Variants in KCNK16 observed in about 807,000 individuals in gnomAD.
KCNK16 encodes potassium two pore domain channel subfamily K member 16, also known as potassium channel subfamily K member 16.
Under a neutral mutation model 23.0 loss-of-function variants are expected in KCNK16, and 23 were observed. The ratio of observed to expected loss-of-function variants is 1.00; its 90% CI spans 0.72 to 1.41. KCNK16 has a LOEUF of 1.41. KCNK16 is among the 40% of genes most tolerant of loss of function. KCNK16 has a pLI of 0.00. For synonymous variants in KCNK16, 145 were observed against 153.5 expected, an observed-to-expected ratio of 0.94 and a Z score of 0.41; for missense variants, 327 against 365.8, an observed-to-expected ratio of 0.89 and a Z score of 0.87.
downstream of KCNK16, chr6:39,315,317 C>A: frequency 6.4e-7 from 1 of 1,554,006 alleles, no homozygotes; most frequent in African/African-American, 1.4e-5. Context: ...GTTCATGGAG[C>A]TCACTTTCTG....
At chr6:39,317,195 G>A (rs1456658433) in intron 3 of KCNK16, among the ~76,000 whole-genome samples, 1 of 152,214 alleles carries the variant, frequency 6.6e-6, no homozygotes, top group Non-Finnish European at 1.5e-5. Context: ...TGGACTTGGG[G>A]ATCACACTTG....
At chr6:39,321,684 ACCAG>A (rs1218800051) in intron 1 of KCNK16, among the ~76,000 whole-genome samples, 3 of 152,216 alleles carry the variant, frequency 2.0e-5, no homozygotes, top group Non-Finnish European at 2.9e-5. Flanking sequence ...GAAAGAGGAA[ACCAG>A]AAAGGACCCA....
At chr6:39,316,093 C>T, downstream of KCNK16, 1 of 1,370,798 alleles carries the variant, frequency 7.3e-7, no homozygotes, top group Non-Finnish European at 9.5e-7. Context: ...TGGGAGAGCT[C>T]CTGAGACCAG....
At position 39,319,090 on chromosome 6, in the gene KCNK16, T is replaced by G; in HGVS notation, c.257A>C (p.Asn86Thr). The change falls in exon 2 of 5, where the codon AAC becomes ACC. Residue 86 changes from asparagine to threonine, a missense_variant. Coordinates refer to ENST00000437525, the MANE Select transcript of KCNK16 (RefSeq NM_001135106.2). The surrounding 1 kb of genome is among the most constrained non-coding windows in gnomAD (Gnocchi z 4.2). ...GTCCCAGTTGCTGGGGTTGGTAGAG[T>G]TGCCTTTGGGGTTCACACCTTTCAC... Reference protein sequence around the residue: ...AWVKGVNPKGNSTNPSNWDFG... With the variant: ...AWVKGVNPKGTSTNPSNWDFG... 1 of 1,613,934 alleles carries G rather than the reference T, an allele frequency of 6.2e-7. No individual in the cohort carries two copies. The highest frequency in any genetic ancestry group is 1.7e-5 in the Admixed American group (1 of 60,010).
rs1467010380 is a variant in KCNK16, at chr6:39,318,073, C to T, written c.329-121G>A. On this transcript the variant is annotated intron_variant, in intron 2 of 4. Transcript: ENST00000437525. The stretch of plus-strand genomic sequence containing the variant: ...TCTGGGGGTGAGAAGGGGAAGCTCC[C>T]CTGTTCCCATGAACTCTGCTGGAAT... The T allele has an allele frequency of 6.2e-6, 6 of 961,276 alleles. No individual in the cohort carries two copies. The East Asian group carries it at 1.4e-4, about 23-fold the overall frequency. 59.5% of individuals were successfully genotyped at this position (961,276 alleles called of 1,614,324 possible). A position where few individuals can be genotyped will look rare whatever the true frequency, so the allele number is the denominator to read the frequency against.
chr6:39,316,689 A>G, intron 4 of KCNK16, 93 bp downstream of exon 4: 1 of 1,436,688 alleles, frequency 7.0e-7, no homozygotes, highest in Non-Finnish European at 9.5e-7. Context: ...GGGCTATCTT[A>G]TCCTCAATAG....
chr6:39,316,893 G>A lies in KCNK16; in HGVS notation c.550C>T (p.Leu184Phe). Residue 184 changes from leucine (L) to phenylalanine (F), a missense_variant, in exon 4 of 5, where the codon CTC becomes TTC. Leu to Phe is a conservative substitution (Grantham distance 22). Transcript: ENST00000437525. ...CTGAAGACCATGGGTGGGAAGATGA[G>A]AATGACCAGCGTCCCCAGGGTCAGG... ...LFLTLGTLVI[L>F]IFPPMVFSHV... 6.2e-7 allele frequency: 1 copy of A among 1,614,126 alleles called. No individual in the cohort carries two copies. The highest frequency in any genetic ancestry group is 1.3e-5 in the African/African-American group (1 of 75,044).
Position 39,322,435 on chromosome 6 carries a change from C to G in KCNK16, c.106G>C (p.Glu36Gln), listed in dbSNP as rs1288837986. ...LLGATIFQLLERQAEAQSRDQ... is the reference protein window; with the variant it reads ...LLGATIFQLLQRQAEAQSRDQ... ...CTGGACTGAGCCTCCGCCTGCCTCT[C>G]TAGCAGCTGGAAGATAGTGGCACCG... is the stretch of plus-strand genomic sequence containing the variant. The change falls in exon 1 of 5, where the codon GAG becomes CAG. Residue 36 changes from glutamate (E) to glutamine (Q), a missense_variant. By Grantham distance (29) the Glu-to-Gln change is conservative. Coordinates refer to ENST00000437525, the MANE Select transcript of KCNK16 (RefSeq NM_001135106.2). 2 of 1,614,214 alleles carry G rather than the reference C, an allele frequency of 1.2e-6. No homozygotes were observed. Among genetic ancestry groups the G allele is most frequent in the Non-Finnish European group, 1.7e-6 (2 of 1,180,042 alleles).
Position 39,319,649 on chromosome 6 carries a change from G to A in KCNK16, c.214-516C>T, listed in dbSNP as rs1193390689. Among the ~76,000 whole-genome samples, 13 of 152,126 alleles carry A rather than the reference G, an allele frequency of 8.5e-5. No homozygotes were observed. The highest frequency in any genetic ancestry group is 7.2e-4 in the Admixed American group (11 of 15,278). Reference sequence around the variant, plus strand: ...CCCTGTGTTCCCTAAGTGTCCAGGCGAGTGGGCACCCTTGCTCTTTGCTGC... The same window carrying A: ...CCCTGTGTTCCCTAAGTGTCCAGGCAAGTGGGCACCCTTGCTCTTTGCTGC... On this transcript the variant is annotated intron_variant, in intron 1 of 4. Transcript: ENST00000437525. The surrounding 1 kb of genome is among the most constrained non-coding windows in gnomAD (Gnocchi z 4.2).
At chr6:39,316,058 G>T (rs1190107167), downstream of KCNK16, 7 of 1,061,368 alleles carry the variant, frequency 6.6e-6, no homozygotes, top group East Asian at 1.7e-4. Context: ...TTACTTTCTT[G>T]GATATACCTG....
rs185274513 is a variant in KCNK16, at chr6:39,316,287, C to T, written c.817G>A (p.Val273Ile). The T allele has an allele frequency of 5.7e-3, 9,164 of 1,597,838 alleles. 33 individuals are homozygous for T. The highest frequency in any genetic ancestry group is 6.8e-3 in the Non-Finnish European group (7,929 of 1,173,136). ...GGGTCAGAGGCTGCCCCATCCTTGA[C>T]GCCGAGGCCCCTACTGAGCAGCCAG... ...QLWLLSRGLG[V>I]KDGAASDPSG... is the part of the protein sequence containing the mutation. Residue 273 changes from valine to isoleucine, a missense_variant, in exon 5 of 5, where the codon GTC (valine) becomes ATC (isoleucine). Transcript: ENST00000437525.
chr6:39,315,432 C>A, downstream of KCNK16: 1 of 1,548,944 alleles, frequency 6.5e-7, no homozygotes, highest in Non-Finnish European at 8.7e-7. Flanking sequence ...AGGGGGTGGC[C>A]TGTGAGGGTC....
chr6:39,322,344 A>G lies in KCNK16; in HGVS notation c.197T>C (p.Met66Thr), dbSNP rs1414480761. The change falls in exon 1 of 5, where the codon ATG becomes ACG. Residue 66 changes from methionine to threonine, a missense_variant. Met to Thr is a moderately conservative substitution (Grantham distance 81, BLOSUM62 -1). Transcript: ENST00000437525. Reference protein sequence around the residue: ...ENYTCLDQWAMEQFVQVIMEA... With the variant: ...ENYTCLDQWATEQFVQVIMEA... Reference sequence around the variant, plus strand: ...CCCCTTCACCTGCACAAACTGCTCCATGGCCCACTGGTCCAGGCAGGTGTA... The same window carrying G: ...CCCCTTCACCTGCACAAACTGCTCCGTGGCCCACTGGTCCAGGCAGGTGTA... 1.5e-5 allele frequency: 24 copies of G among 1,613,406 alleles called. No homozygotes were observed. Among genetic ancestry groups the G allele is most frequent in the Non-Finnish European group, 2.0e-5 (23 of 1,179,476 alleles).
intron 1 of KCNK16, among the ~76,000 whole-genome samples, chr6:39,320,955 C>A (rs1468367029): frequency 5.3e-5 from 8 of 152,322 alleles, no homozygotes; most frequent in African/African-American, 1.9e-4. Context: ...CTTTGACTAA[C>A]CTTATCCATC....
In KCNK16 at chr6:39,316,222, T is replaced by C; in HGVS notation, c.882A>G (p.Ala294=). ...LPRPQKIPIS[A] ...TTCTGGGCCCCCCCCGGGGGCCTCA[T>C]GCAGAGATGGGGATCTTCTGAGGCC... The change falls in exon 5 of 5, where the codon GCA becomes GCG. Residue 294 remains alanine, a synonymous_variant. Transcript: ENST00000437525. 6.5e-7 allele frequency: 1 copy of C among 1,535,006 alleles called. No homozygotes were observed. The highest frequency in any genetic ancestry group is 8.8e-7 in the Non-Finnish European group (1 of 1,140,566).
rs1200392364 is a variant in KCNK16, at chr6:39,322,582, G to A, written c.-42C>T. ...TGCCAGGGCCGTGGGGCTGGCTATG[G>A]GGGAGAGGTGGGAAACAGGTGAGGA... On this transcript the variant is annotated 5_prime_UTR_variant, in exon 1 of 5. Transcript: ENST00000437525. 3 of 1,537,030 alleles carry A rather than the reference G, an allele frequency of 2.0e-6. No individual in the cohort carries two copies. Among genetic ancestry groups the A allele is most frequent in the Non-Finnish European group, 2.6e-6 (3 of 1,145,692 alleles).
chr6:39,316,497 C>T, intron 4 of KCNK16, 55 bp from the exon 5 acceptor site: 1 of 1,531,396 alleles, frequency 6.5e-7, no homozygotes, highest in Non-Finnish European at 8.8e-7. Context: ...TAGCCACCTC[C>T]AGTTTCCATA....
In KCNK16 at chr6:39,316,202, G is replaced by GC. The variant is rs767734700; in HGVS notation, c.*16_*17insG. 2.9e-5 allele frequency: 43 copies of GC among 1,500,108 alleles called. No individual in the cohort carries two copies. The highest frequency in any genetic ancestry group is 6.5e-5 in the South Asian group (5 of 77,450). 92.9% of individuals were successfully genotyped at this position (1,500,108 alleles called of 1,614,324 possible). On this transcript the variant is annotated 3_prime_UTR_variant, in exon 5 of 5. Transcript: ENST00000437525. The stretch of plus-strand genomic sequence containing the variant: ...CTGGGGAGGATGAAAGGGGTTTCTG[G>GC]GCCCCCCCCGGGGGCCTCATGCAGA...
rs1185590098 is a variant in KCNK16 at position 39,322,689 on chromosome 6, T to C, written c.-149A>G. On this transcript the variant is annotated 5_prime_UTR_variant, in exon 1 of 5. Transcript: ENST00000437525. ...ACAGGTGTCTGGAGGCTGGGGAGAC[T>C]GTTTGAACAGTGCGGCTCAGCTTGG... 2.4e-6 allele frequency: 3 copies of C among 1,275,440 alleles called. No individual in the cohort carries two copies. Among genetic ancestry groups the C allele is most frequent in the African/African-American group, 1.5e-5 (1 of 66,430 alleles). The allele number at this position is 1,275,440 out of a possible 1,614,324, so 79.0% of individuals were successfully genotyped here. A position where few individuals can be genotyped will look rare whatever the true frequency, so the allele number is the denominator to read the frequency against.
Sources: allele counts gnomAD v4.1 joint callset (sites outside exome capture counted in the v4.1 genomes callset), GRCh38; gene constraint gnomAD v4.1.1; non-coding constraint Gnocchi (gnomAD v3.1); transcripts MANE v1.5; gene names NCBI Gene and HGNC (gene_info 2026-07-23, HGNC 2026-07-21).